The following FAM151B variants were observed in gnomAD, a reference collection of about 807,000 sequenced individuals.
The protein encoded by FAM151B is family with sequence similarity 151 member B.
A neutral mutation model predicts 31.2 loss-of-function variants in FAM151B; 24 were observed. That is an observed-to-expected ratio of 0.77 (90% CI 0.56 to 1.08). The LOEUF (loss-of-function observed/expected upper bound fraction) is 1.08, where lower values mean the gene tolerates loss of function less well. Ranked by LOEUF, FAM151B falls within the 50% of genes least tolerant of loss-of-function variation. FAM151B has a pLI of 0.00. For missense variants in FAM151B, 293 were observed against 328.6 expected (o/e 0.89, Z 0.84); for synonymous variants, 105 against 111.4 (o/e 0.94, Z 0.36).
chr5:80,493,651 A>G (rs1463273338), intron 1 of FAM151B, among the ~76,000 whole-genome samples: 2 of 152,316 alleles, frequency 1.3e-5, no homozygotes, highest in Middle Eastern at 3.4e-3. Flanking sequence ...TGCGGTTGAT[A>G]TAAGGATTGA....
chr5:80,514,296 G>C (rs1282164479), intron 3 of FAM151B, among the ~76,000 whole-genome samples: 2 of 151,826 alleles, frequency 1.3e-5, no homozygotes, highest in African/African-American at 4.8e-5. Context: ...CCAAAATGGC[G>C]AAACGCCACC....
intron 5 of FAM151B, among the ~76,000 whole-genome samples, chr5:80,538,371 T>TC: frequency 6.6e-6 from 1 of 150,398 alleles, no homozygotes. Flanking sequence ...CCAGCCTTTC[T>TC]TTTTCTTTCT....
rs570999039 is a variant in FAM151B at position 80,522,277 on chromosome 5, G to A, written c.671+139G>A. The stretch of plus-strand genomic sequence containing the variant: ...AGGAATGAAAACTGATGATATAAGC[G>A]CACAGACTCCCTCACCGGATTGGAG... On this transcript the variant is annotated intron_variant, in intron 5 of 5. Transcript: ENST00000282226. 1.0e-3 allele frequency: 858 copies of A among 821,340 alleles called. 1 individual carries two copies. Among genetic ancestry groups the A allele is most frequent in the Non-Finnish European group, 1.5e-3 (811 of 548,880 alleles). The allele number at this position is 821,340 out of a possible 1,614,324, so 50.9% of individuals were successfully genotyped here.
intron 1 of FAM151B, among the ~76,000 whole-genome samples, 177 bp from the exon 2 acceptor site, chr5:80,501,615 T>G (rs1743751418): frequency 6.6e-6 from 1 of 152,128 alleles, no homozygotes; most frequent in South Asian, 2.1e-4. Flanking sequence ...ATATGTGAGA[T>G]GATGGATATG....
intron 5 of FAM151B, among the ~76,000 whole-genome samples, chr5:80,523,112 A>T (rs1744793837): frequency 6.6e-6 from 1 of 152,196 alleles, no homozygotes; most frequent in Admixed American, 6.5e-5. Flanking sequence ...TCAAACAGTA[A>T]ATGCATAAAG....
intron 1 of FAM151B, among the ~76,000 whole-genome samples, chr5:80,492,381 C>T (rs1388019463): frequency 1.3e-5 from 2 of 152,102 alleles, no homozygotes; most frequent in African/African-American, 2.4e-5. Flanking sequence ...TGTTTTGGGG[C>T]ACCACAAAGT....
At chr5:80,497,994 C>G (rs1342563227) in intron 1 of FAM151B, among the ~76,000 whole-genome samples, 2 of 151,944 alleles carry the variant, frequency 1.3e-5, no homozygotes, top group Non-Finnish European at 2.9e-5. Flanking sequence ...AACCATTAAC[C>G]AACATTTAGG....
intron 5 of FAM151B, among the ~76,000 whole-genome samples, chr5:80,523,365 A>G (rs993412194): frequency 3.3e-5 from 5 of 152,208 alleles, no homozygotes; most frequent in African/African-American, 1.2e-4. Context: ...ACTATGTTGC[A>G]GAGAATAGTG....
intron 2 of FAM151B, among the ~76,000 whole-genome samples, chr5:80,504,514 C>CTTTTTTTTTTTTTTTT (rs11340979): frequency 1.7e-5 from 1 of 58,744 alleles, no homozygotes; most frequent in African/African-American, 6.8e-5. Flanking sequence ...GACTATTACT[C>CTTTTTTTTTTTTTTTT]TTTTTTTTTT....
chr5:80,517,584 A>G (rs530314744), intron 3 of FAM151B, among the ~76,000 whole-genome samples: 47 of 107,666 alleles, frequency 4.4e-4, no homozygotes, highest in African/African-American at 1.6e-3. Flanking sequence ...CTGGTAAGGG[A>G]AAATATCATT....
intron 4 of FAM151B, 122 bp from the exon 5 acceptor site, chr5:80,521,881 A>C: frequency 1.7e-6 from 1 of 590,386 alleles, no homozygotes. Flanking sequence ...CCAAATGGAA[A>C]GTATTATGAA....
intron 1 of FAM151B, among the ~76,000 whole-genome samples, chr5:80,497,043 T>A (rs1047758236): frequency 1.3e-5 from 2 of 151,926 alleles, no homozygotes; most frequent in Non-Finnish European, 2.9e-5. Context: ...ACTCCTGACC[T>A]CAGATGATCT....
At chr5:80,529,536 T>TA (rs1266507643) in intron 5 of FAM151B, among the ~76,000 whole-genome samples, 20 of 151,942 alleles carry the variant, frequency 1.3e-4, no homozygotes, top group African/African-American at 4.4e-4. Context: ...ATAGACGCAA[T>TA]AAAAAATGAT....
intron 5 of FAM151B, among the ~76,000 whole-genome samples, chr5:80,529,041 G>C (rs189401370): frequency 6.6e-6 from 1 of 152,248 alleles, no homozygotes; most frequent in East Asian, 1.9e-4. Context: ...AACTGTCTCT[G>C]AGACCACAGT....
intron 5 of FAM151B, among the ~76,000 whole-genome samples, chr5:80,526,081 G>A (rs370612646): frequency 3.1e-4 from 47 of 152,002 alleles, no homozygotes; most frequent in African/African-American, 9.9e-4. Context: ...TACCAAAATC[G>A]GCTCATTCTG....
chr5:80,489,804 G>GTC (rs1376083002), intron 1 of FAM151B, among the ~76,000 whole-genome samples: 1 of 148,742 alleles, frequency 6.7e-6, no homozygotes, highest in Non-Finnish European at 1.5e-5. Flanking sequence ...GGCGCCTGTA[G>GTC]TCTCAACTAC....
intron 1 of FAM151B, chr5:80,500,561 G>A (rs1743704719): frequency 1.3e-6 from 1 of 755,740 alleles, no homozygotes; most frequent in Admixed American, 1.7e-5. Context: ...GGCGAGAAAA[G>A]CTGGCAACTT....
At chr5:80,500,506 G>A in intron 1 of FAM151B, 4 of 763,796 alleles carry the variant, frequency 5.2e-6, no homozygotes, top group South Asian at 1.4e-5. Context: ...ACTGTCACAA[G>A]GAATATAGGC....
intron 5 of FAM151B, among the ~76,000 whole-genome samples, chr5:80,540,172 C>T (rs1480619277): frequency 6.6e-6 from 1 of 152,090 alleles, no homozygotes. Flanking sequence ...TCTCCAAGAA[C>T]ATGCATTGAA....
Sources: gnomAD v4.1 joint callset for allele counts (sites outside exome capture counted in the v4.1 genomes callset) on GRCh38, gnomAD v4.1.1 for gene constraint, MANE v1.5 for transcripts, NCBI Gene and HGNC (gene_info 2026-07-23, HGNC 2026-07-21) for gene names.